PCDHA10: variants seen among roughly 807,000 people sequenced by gnomAD.
The protein encoded by PCDHA10 is protocadherin alpha-10.
A neutral mutation model predicts 61.2 loss-of-function variants in PCDHA10; 45 were observed. That is an observed-to-expected ratio of 0.74 (90% CI 0.58 to 0.94). The LOEUF is 0.94. Among genes scored for constraint, PCDHA10 ranks in the 40% least tolerant of loss-of-function variants. PCDHA10 has a pLI of 0.00. For missense variants in PCDHA10, 1,278 were observed against 1,236.2 expected (o/e 1.03, Z -0.51); for synonymous variants, 602 against 548.8 (o/e 1.10, Z -1.35).
In PCDHA10 at chr5:140,858,285, G is replaced by A. The variant is rs782182754; in HGVS notation, c.2237G>A (p.Trp746Ter). 2 of 1,597,520 alleles carry A rather than the reference G, an allele frequency of 1.3e-6. No homozygotes were observed. The highest frequency in any genetic ancestry group is 8.6e-7 in the Non-Finnish European group (1 of 1,167,302). The change falls in exon 1 of 4, where the codon TGG becomes TAG. Residue 746 changes from tryptophan to a stop codon, truncating the protein, a stop_gained. Transcript: ENST00000307360. LOFTEE classifies it high-confidence loss of function. Reference sequence around the variant, plus strand: ...GTGTGCTCTAGCGCGGTGGGGAGCTGGTCTTACTCGCAGCAGAGGCGGCAG... The same window carrying A: ...GTGTGCTCTAGCGCGGTGGGGAGCTAGTCTTACTCGCAGCAGAGGCGGCAG... Reference protein sequence around the residue: ...TLVCSSAVGSWSYSQQRRQRV... With the variant: ...TLVCSSAVGS
In PCDHA10 at chr5:140,857,157, T is replaced by C. The variant is rs1371246447; in HGVS notation, c.1109T>C (p.Leu370Pro). The C allele has an allele frequency of 5.6e-6, 9 of 1,598,272 alleles. 1 individual carries two copies. The Middle Eastern group carries it at 5.0e-4, about 88-fold the overall frequency. Residue 370 changes from leucine (L) to proline (P), a missense_variant, in exon 1 of 4, where the codon CTA becomes CCA. By Grantham distance (98) the Leu-to-Pro change is moderately conservative. Transcript: ENST00000307360. ...EDAQVGTVIA[L>P]ISVSDHDSGA... ...GCTCAAGTGGGCACCGTCATTGCCC[T>C]AATCAGCGTTTCTGACCATGATTCA... is the stretch of plus-strand genomic sequence containing the variant.
chr5:140,883,031 G>A, intron 1 of PCDHA10: 1 of 1,614,078 alleles, frequency 6.2e-7, no homozygotes, highest in Non-Finnish European at 8.5e-7. Flanking sequence ...GTTAGAGAAC[G>A]CCTTCAATGG....
chr5:140,877,561 A>G (rs1582392588), intron 1 of PCDHA10: 1 of 1,613,748 alleles, frequency 6.2e-7, no homozygotes. Flanking sequence ...GGTGGATATT[A>G]ACGTGTACCT....
chr5:140,871,226 G>T, intron 1 of PCDHA10: 1 of 1,613,918 alleles, frequency 6.2e-7, no homozygotes, highest in South Asian at 1.1e-5. Flanking sequence ...GTGGTGTCCA[G>T]CCTCCTGGTA....
At chr5:140,998,056 C>T (rs1162882949) in intron 3 of PCDHA10, among the ~76,000 whole-genome samples, 1 of 152,160 alleles carries the variant, frequency 6.6e-6, no homozygotes, top group Non-Finnish European at 1.5e-5. Context: ...GTGACATCAT[C>T]ATCAACAGAC....
At chr5:140,919,069 A>G (rs2078992601) in intron 1 of PCDHA10, among the ~76,000 whole-genome samples, 1 of 152,200 alleles carries the variant, frequency 6.6e-6, no homozygotes, top group African/African-American at 2.4e-5. Context: ...TAAAGTCTCC[A>G]GTTATGACTA....
chr5:140,955,452 G>A (rs921510611), intron 1 of PCDHA10, among the ~76,000 whole-genome samples: 1 of 152,024 alleles, frequency 6.6e-6, no homozygotes, highest in African/African-American at 2.4e-5. Flanking sequence ...TTTTATAAGG[G>A]CTTTTTCCTT....
At chr5:140,960,748 A>C (rs1408249489) in intron 1 of PCDHA10, among the ~76,000 whole-genome samples, 1 of 152,008 alleles carries the variant, frequency 6.6e-6, no homozygotes, top group Non-Finnish European at 1.5e-5. Flanking sequence ...TCCATGGCTA[A>C]AATCCCAAGA....
intron 1 of PCDHA10, among the ~76,000 whole-genome samples, chr5:140,953,512 C>G (rs2094896275): frequency 6.6e-6 from 1 of 152,106 alleles, no homozygotes; most frequent in Non-Finnish European, 1.5e-5. Context: ...TAGGCCAAAG[C>G]AACAAAAACG....
intron 3 of PCDHA10, among the ~76,000 whole-genome samples, chr5:141,000,542 C>T (rs1331109215): frequency 6.7e-6 from 1 of 148,268 alleles, no homozygotes; most frequent in Non-Finnish European, 1.5e-5. Context: ...ATTCTCATGC[C>T]TCAAACTCCC....
chr5:140,883,643 G>A (rs1182808577), intron 1 of PCDHA10: 2 of 1,613,822 alleles, frequency 1.2e-6, no homozygotes, highest in Non-Finnish European at 1.7e-6. Context: ...CGCGCAGCCC[G>A]AGTACACGGT....
At position 140,858,014 on chromosome 5, in the gene PCDHA10, C is replaced by T. The variant is rs782738271; in HGVS notation, c.1966C>T (p.Pro656Ser). 5 of 1,596,754 alleles carry T rather than the reference C, an allele frequency of 3.1e-6. No homozygotes were observed. Among genetic ancestry groups the T allele is most frequent in the African/African-American group, 1.3e-5 (1 of 74,296 alleles). ...LLVLVKDHGE[P>S]SLTATATVLV... is the part of the protein sequence containing the mutation. ...GGTGCTGGTGAAGGACCATGGCGAG[C>T]CGTCGCTGACGGCCACGGCCACTGT... The change falls in exon 1 of 4, where the codon CCG becomes TCG. Residue 656 changes from proline (P) to serine (S), a missense_variant. Physicochemically the swap from Pro to Ser is moderately conservative, Grantham distance 74 (BLOSUM62 -1). Coordinates refer to ENST00000307360, the MANE Select transcript of PCDHA10 (RefSeq NM_018901.4).
intron 1 of PCDHA10, among the ~76,000 whole-genome samples, chr5:140,964,743 T>C (rs1373954630): frequency 6.7e-6 from 1 of 150,048 alleles, no homozygotes; most frequent in Non-Finnish European, 1.5e-5. Flanking sequence ...ACAGAATTAT[T>C]GTAGGGATGT....
chr5:140,958,197 A>G (rs896064147), intron 1 of PCDHA10, among the ~76,000 whole-genome samples: 7 of 152,140 alleles, frequency 4.6e-5, no homozygotes, highest in Non-Finnish European at 1.0e-4. Context: ...CTGGTCTAGT[A>G]TACAAGGGAA....
rs781982422 is a variant in PCDHA10 at position 140,871,325 on chromosome 5, C to T, written c.2388+12889C>T. 4 of 1,613,988 alleles carry T rather than the reference C, an allele frequency of 2.5e-6. No individual in the cohort carries two copies. Among genetic ancestry groups the T allele is most frequent in the Non-Finnish European group, 3.4e-6 (4 of 1,180,038 alleles). On this transcript the variant is annotated intron_variant, in intron 1 of 3. Coordinates refer to ENST00000307360, the MANE Select transcript of PCDHA10 (RefSeq NM_018901.4). ...CCGGGGAAGCCCACGCTGGTGTGCTCCCGCGCGGTGGGGAGCTGGTCATAC... is the reference window on the plus strand; with the variant it reads ...CCGGGGAAGCCCACGCTGGTGTGCTTCCGCGCGGTGGGGAGCTGGTCATAC...
At chr5:140,917,127 C>T (rs1286418907) in intron 1 of PCDHA10, among the ~76,000 whole-genome samples, 1 of 152,072 alleles carries the variant, frequency 6.6e-6, no homozygotes, top group African/African-American at 2.4e-5. Context: ...CGCAGACTCC[C>T]CACGTTGCTC....
chr5:141,002,271 T>C (rs942626808), intron 3 of PCDHA10, among the ~76,000 whole-genome samples: 3 of 152,220 alleles, frequency 2.0e-5, no homozygotes, highest in African/African-American at 7.2e-5. Context: ...CCAGAGCTGG[T>C]AACAAAGGGA....
chr5:140,927,339 A>G lies in PCDHA10; in HGVS notation c.2389-51610A>G, dbSNP rs532353795. 3.7e-6 allele frequency: 6 copies of G among 1,614,052 alleles called. No individual in the cohort carries two copies. The South Asian group carries it at 4.4e-5, about 12-fold the overall frequency. The stretch of plus-strand genomic sequence containing the variant: ...CCCGCTTTACTCTCCCGAATGCCCA[A>G]GATGACGACGAGGGAAGCAATGGGA... On this transcript the variant is annotated intron_variant, in intron 1 of 3. Transcript: ENST00000307360.
At chr5:141,007,299 T>C (rs550659664) in intron 3 of PCDHA10, among the ~76,000 whole-genome samples, 9 of 151,686 alleles carry the variant, frequency 5.9e-5, no homozygotes, top group African/African-American at 2.2e-4. Context: ...GCCTGTAATC[T>C]TAGCATTTTG....
Sources: gnomAD v4.1 joint callset for allele counts (sites outside exome capture counted in the v4.1 genomes callset) on GRCh38, gnomAD v4.1.1 for gene constraint, MANE v1.5 for transcripts, NCBI Gene and HGNC (gene_info 2026-07-23, HGNC 2026-07-21) for gene names.